KLF12: variants seen among roughly 807,000 people sequenced by gnomAD.
KLF12 encodes the protein KLF transcription factor 12.
KLF12 carries 9 observed loss-of-function variants against 37.8 expected under a neutral mutation model. The ratio of observed to expected loss-of-function variants is 0.24; its 90% CI spans 0.14 to 0.42. KLF12 has a LOEUF of 0.42. KLF12 is among the 10% of genes least tolerant of loss of function. The pLI is 1.00. For synonymous variants in KLF12, 208 were observed against 202.1 expected (o/e 1.03, Z -0.25); for missense variants, 411 against 516.0 (o/e 0.80, Z 1.97).
At chr13:73,785,566 C>T (rs375691200) in intron 5 of KLF12, among the ~76,000 whole-genome samples, 107 of 152,162 alleles carry the variant, frequency 7.0e-4, no homozygotes, top group African/African-American at 2.6e-3. Flanking sequence ...TTAATACAAA[C>T]TCAACATATC....
At chr13:73,784,876 T>C (rs1480328185) in intron 5 of KLF12, among the ~76,000 whole-genome samples, 1 of 151,998 alleles carries the variant, frequency 6.6e-6, no homozygotes, top group Non-Finnish European at 1.5e-5. Context: ...GACCTCGTGA[T>C]CCACCCGCCT....
intron 6 of KLF12, among the ~76,000 whole-genome samples, chr13:73,751,608 C>T (rs1878758851): frequency 6.6e-6 from 1 of 151,980 alleles, no homozygotes; most frequent in Non-Finnish European, 1.5e-5. Flanking sequence ...TTGGAGTTAC[C>T]ATGAGGTTTC....
At chr13:74,118,460 G>A (rs554625818) in intron 1 of KLF12, among the ~76,000 whole-genome samples, 2 of 152,262 alleles carry the variant, frequency 1.3e-5, no homozygotes, top group East Asian at 1.9e-4. Context: ...AACTTTTTAA[G>A]TGCTTTATTA....
At chr13:73,922,603 A>C (rs1204948667) in intron 3 of KLF12, among the ~76,000 whole-genome samples, 1 of 152,164 alleles carries the variant, frequency 6.6e-6, no homozygotes, top group Non-Finnish European at 1.5e-5. Context: ...CTGATCATCC[A>C]TGTCAGAGAT....
rs559281977 is a variant in KLF12 at position 73,939,861 on chromosome 13, C to G, written c.123+4120G>C. 1.1e-3 allele frequency among the ~76,000 whole-genome samples: 171 copies of G among 152,300 alleles called. 2 individuals carry two copies. The highest frequency in any genetic ancestry group is 1.2e-3 in the Admixed American group (18 of 15,300). ...ACACTTCCATACACAGGAAGCTTCA[C>G]TGCAGTAAGACTCATAAATGCATAA... On this transcript the variant is annotated intron_variant, in intron 3 of 7. Coordinates refer to ENST00000377669, the MANE Select transcript of KLF12 (RefSeq NM_007249.5).
At chr13:74,030,490 C>A (rs1312751814) in intron 1 of KLF12, among the ~76,000 whole-genome samples, 1 of 152,014 alleles carries the variant, frequency 6.6e-6, no homozygotes, top group Non-Finnish European at 1.5e-5. Context: ...TAAGATGGGC[C>A]TTAATTAAAT....
chr13:74,182,223 A>C, the KLF12 span, among the ~76,000 whole-genome samples: 1 of 152,214 alleles, frequency 6.6e-6, no homozygotes, highest in South Asian at 2.1e-4. Context: ...TGCGTTAGGA[A>C]GGAGAAAAAT....
chr13:74,267,211 A>G, the KLF12 span, among the ~76,000 whole-genome samples: 1 of 152,344 alleles, frequency 6.6e-6, no homozygotes. Context: ...ACCTTATTTG[A>G]GAAAGAGTCT....
At position 73,993,453 on chromosome 13, in the gene KLF12, G is replaced by A. The variant is rs903290134; in HGVS notation, c.33+1537C>T. 2.0e-5 allele frequency among the ~76,000 whole-genome samples: 3 copies of A among 152,112 alleles called. 1 individual carries two copies. In the East Asian group the frequency reaches 5.8e-4, roughly 29 times the overall value. On this transcript the variant is annotated intron_variant, in intron 2 of 7. Transcript: ENST00000377669. ...ATAATAAAAATTAGTTACAGAACAT[G>A]ACACTGCCAAAATTTATAAACTTAC... is the stretch of plus-strand genomic sequence containing the variant.
chr13:73,884,628 T>C (rs887296779), intron 3 of KLF12, among the ~76,000 whole-genome samples: 1 of 152,224 alleles, frequency 6.6e-6, no homozygotes, highest in Non-Finnish European at 1.5e-5. Context: ...TTCTGCATGA[T>C]GGAAATGCCC....
intron 6 of KLF12, among the ~76,000 whole-genome samples, chr13:73,738,324 T>G (rs1877683261): frequency 6.6e-6 from 1 of 150,552 alleles, no homozygotes; most frequent in African/African-American, 2.4e-5. Flanking sequence ...TTTTTTTTTT[T>G]TGTATTTTTA....
intron 3 of KLF12, among the ~76,000 whole-genome samples, chr13:73,884,597 A>G (rs1887130157): frequency 6.6e-6 from 1 of 152,160 alleles, no homozygotes; most frequent in Non-Finnish European, 1.5e-5. Context: ...CTTCCCATCC[A>G]CAGTACTCCC....
the KLF12 span, among the ~76,000 whole-genome samples, chr13:74,157,501 T>C: frequency 8.3e-4 from 126 of 152,166 alleles, 1 homozygote; most frequent in African/African-American, 2.8e-3. Flanking sequence ...GGGAGGGAGG[T>C]TGGCTATGCT....
At chr13:74,217,165 C>T in the KLF12 span, among the ~76,000 whole-genome samples, 1 of 151,662 alleles carries the variant, frequency 6.6e-6, no homozygotes, top group African/African-American at 2.4e-5. Flanking sequence ...TTAGATGATT[C>T]TTTTTTTTGA....
chr13:74,235,921 T>C, the KLF12 span, among the ~76,000 whole-genome samples: 4 of 133,374 alleles, frequency 3.0e-5, no homozygotes, highest in Non-Finnish European at 6.7e-5. Flanking sequence ...AATTTTTTTA[T>C]TTTTTTAGTT....
At chr13:73,949,153 C>A (rs1158338748) in intron 2 of KLF12, among the ~76,000 whole-genome samples, 1 of 152,152 alleles carries the variant, frequency 6.6e-6, no homozygotes, top group Non-Finnish European at 1.5e-5. Flanking sequence ...GTGAGTGTGA[C>A]CCCAAGCCAG....
chr13:74,173,446 A>G, the KLF12 span, among the ~76,000 whole-genome samples: 1 of 152,174 alleles, frequency 6.6e-6, no homozygotes, highest in Non-Finnish European at 1.5e-5. Context: ...ATCTTATAGA[A>G]TATTAGTGGA....
intron 3 of KLF12, among the ~76,000 whole-genome samples, chr13:73,910,251 T>A (rs1888505511): frequency 1.3e-5 from 2 of 152,202 alleles, no homozygotes; most frequent in South Asian, 4.1e-4. Context: ...ATTTTAAAAT[T>A]CTGTAGTGTT....
chr13:74,182,141 T>C, the KLF12 span, among the ~76,000 whole-genome samples: 1 of 152,200 alleles, frequency 6.6e-6, no homozygotes, highest in Non-Finnish European at 1.5e-5. Flanking sequence ...TCAAGCTGGG[T>C]GATGAGTGCA....
Sources: gnomAD v4.1 joint callset for allele counts (sites outside exome capture counted in the v4.1 genomes callset) on GRCh38, gnomAD v4.1.1 for gene constraint, MANE v1.5 for transcripts, NCBI Gene and HGNC (gene_info 2026-07-23, HGNC 2026-07-21) for gene names.